CTCFL: variants seen among roughly 807,000 people sequenced by gnomAD.
CTCFL encodes the protein transcriptional repressor CTCFL.
A neutral mutation model predicts 67.4 loss-of-function variants in CTCFL; 36 were observed. That is an observed-to-expected ratio of 0.53 (90% CI 0.41 to 0.71). The LOEUF (loss-of-function observed/expected upper bound fraction) is 0.71, where lower values mean the gene tolerates loss of function less well. Among genes scored for constraint, CTCFL ranks in the 30% least tolerant of loss-of-function variants. CTCFL has a pLI of 0.00. For missense variants in CTCFL, 786 were observed against 835.2 expected (o/e 0.94, Z 0.73); for synonymous variants, 324 against 302.3 (o/e 1.07, Z -0.75).
Position 57,497,486 on chromosome 20 carries a change from T to C in CTCFL, c.*1064A>G, listed in dbSNP as rs1038744637. 7.2e-5 allele frequency: 71 copies of C among 985,258 alleles called. No individual in the cohort carries two copies. Among genetic ancestry groups the C allele is most frequent in the Non-Finnish European group, 8.2e-5 (68 of 829,914 alleles). 61.0% of individuals were successfully genotyped at this position (985,258 alleles called of 1,614,324 possible). A position where few individuals can be genotyped will look rare whatever the true frequency, so the allele number is the denominator to read the frequency against. ...CTTGAAATACAGGGGTGGAGACAGGTTGGCAGCAAAACAAACTGCTCAACT... is the reference window on the plus strand; with the variant it reads ...CTTGAAATACAGGGGTGGAGACAGGCTGGCAGCAAAACAAACTGCTCAACT... On this transcript the variant is annotated 3_prime_UTR_variant, in exon 11 of 11. Transcript: ENST00000243914.
Position 57,497,617 on chromosome 20 carries a change from C to T in CTCFL, c.*933G>A, listed in dbSNP as rs187043234. 777 of 985,242 alleles carry T rather than the reference C, an allele frequency of 7.9e-4. No homozygotes were observed. The highest frequency in any genetic ancestry group is 9.2e-4 in the Admixed American group (15 of 16,272). The allele number at this position is 985,242 out of a possible 1,614,324, so 61.0% of individuals were successfully genotyped here. On this transcript the variant is annotated 3_prime_UTR_variant, in exon 11 of 11. Coordinates refer to ENST00000243914, the MANE Select transcript of CTCFL (RefSeq NM_001386993.1). ...AGGGTGGAAAAATCTTGTCAACTGG[C>T]AAAAGGGAAATACTCACTAATCACT...
intron 6 of CTCFL, 136 bp from the exon 7 acceptor site, chr20:57,514,877 T>C: frequency 3.6e-6 from 3 of 840,156 alleles, no homozygotes; most frequent in Non-Finnish European, 5.5e-6. Flanking sequence ...CCCCAATTAG[T>C]ATGAGACTCC....
chr20:57,498,898 G>A lies in CTCFL; in HGVS notation c.1841-197C>T, dbSNP rs1043965673. 1.1e-4 allele frequency among the ~76,000 whole-genome samples: 16 copies of A among 152,250 alleles called. No homozygotes were observed. The East Asian group carries it at 2.5e-3, about 24-fold the overall frequency. ...TCAGTCAGGGCTTCTTAGCCTCAGC[G>A]CTACAGACGTTTGGGGCCAGAGAGC... On this transcript the variant is annotated intron_variant, in intron 10 of 10. Coordinates refer to ENST00000243914, the MANE Select transcript of CTCFL (RefSeq NM_001386993.1).
chr20:57,512,503 C>T (rs150155465), intron 8 of CTCFL, 89 bp downstream of exon 8: 3 of 1,309,018 alleles, frequency 2.3e-6, no homozygotes, highest in Non-Finnish European at 2.1e-6. Context: ...CATGACTTTT[C>T]TCAGTATCTT....
chr20:57,503,167 C>T (rs1404700064), intron 10 of CTCFL, among the ~76,000 whole-genome samples: 1 of 152,268 alleles, frequency 6.6e-6, no homozygotes, highest in Admixed American at 6.5e-5. Context: ...AGGACAGTCC[C>T]TGTAGCTGCA....
chr20:57,512,713 T>C lies in CTCFL; in HGVS notation c.1370A>G (p.Glu457Gly), dbSNP rs772316509. Residue 457 changes from glutamate (E) to glycine (G), a missense_variant, in exon 8 of 11, where the codon GAG becomes GGG. By Grantham distance (98) the Glu-to-Gly change is moderately conservative (BLOSUM62 -2). Transcript: ENST00000243914. ...AGCAGAACAGTAGCGGCATTTCAGC[T>C]CTGCAGCGCTGTAAGCATGCAAGTT... ...MRNLHAYSAA[E>G]LKCRYCSAVF... 6.2e-7 allele frequency: 1 copy of C among 1,614,230 alleles called. No homozygotes were observed. The highest frequency in any genetic ancestry group is 2.2e-5 in the East Asian group (1 of 44,894).
chr20:57,506,659 CTT>C (rs1271868151), intron 9 of CTCFL: 1 of 363,364 alleles, frequency 2.8e-6, no homozygotes, highest in Non-Finnish European at 3.8e-6. Flanking sequence ...TATAAGAGTT[CTT>C]TTTATATTTT....
chr20:57,518,924 A>C (rs2069130301), intron 4 of CTCFL, 33 bp from the exon 5 acceptor site: 2 of 1,586,354 alleles, frequency 1.3e-6, no homozygotes, highest in Non-Finnish European at 1.7e-6. Context: ...CTTTCAAAAC[A>C]AGACTTAACC....
intron 3 of CTCFL, among the ~76,000 whole-genome samples, chr20:57,521,766 C>T (rs776607701): frequency 3.9e-5 from 6 of 152,176 alleles, no homozygotes; most frequent in Non-Finnish European, 8.8e-5. Flanking sequence ...CTGACACATA[C>T]TACAATACCA....
Position 57,512,499 on chromosome 20 carries a change from T to C in CTCFL, c.1491+93A>G. 4 of 1,290,438 alleles carry C rather than the reference T, an allele frequency of 3.1e-6. No individual in the cohort carries two copies. In the South Asian group the frequency reaches 5.6e-5, roughly 18 times the overall value. The allele number at this position is 1,290,438 out of a possible 1,614,324, so 79.9% of individuals were successfully genotyped here. A position where few individuals can be genotyped will look rare whatever the true frequency, so the allele number is the denominator to read the frequency against. ...TAGGCTACTCTATTAAAAGCATGAC[T>C]TTTCTCAGTATCTTCAAGGTGGTAG... is the stretch of plus-strand genomic sequence containing the variant. On this transcript the variant is annotated intron_variant, in intron 8 of 10. Transcript: ENST00000243914.
At chr20:57,524,808 A>T in intron 1 of CTCFL, 1 of 963,910 alleles carries the variant, frequency 1.0e-6, no homozygotes, top group Non-Finnish European at 1.2e-6. Context: ...TTGGCCAAGC[A>T]GCCCTCGGCC....
intron 9 of CTCFL, 38 bp from the exon 10 acceptor site, chr20:57,503,639 A>C (rs2068031828): frequency 6.2e-7 from 1 of 1,609,170 alleles, no homozygotes; most frequent in African/African-American, 1.3e-5. Flanking sequence ...AAGGCGAGTG[A>C]GATGGGGCAG....
chr20:57,524,507 C>G (rs1600688835), intron 1 of CTCFL: 1 of 1,190,900 alleles, frequency 8.4e-7, no homozygotes, highest in Non-Finnish European at 1.0e-6. Flanking sequence ...GGCAAGGTTC[C>G]GCCTGAGCAC....
chr20:57,524,786 G>A, intron 1 of CTCFL: 3 of 985,744 alleles, frequency 3.0e-6, no homozygotes, highest in African/African-American at 1.7e-5. Context: ...GTGGCCTCGA[G>A]CCCACCCAGA....
At chr20:57,511,596 C>CA (rs1491221848) in intron 8 of CTCFL, among the ~76,000 whole-genome samples, 2 of 135,114 alleles carry the variant, frequency 1.5e-5, no homozygotes, top group Admixed American at 1.5e-4. Context: ...AATCCCCCCC[C>CA]TTTTTTTTTT....
chr20:57,524,500 A>G, intron 1 of CTCFL: 1 of 1,212,072 alleles, frequency 8.3e-7, no homozygotes, highest in South Asian at 2.1e-5. Flanking sequence ...TGCGCCTGGC[A>G]AGGTTCCGCC....
intron 9 of CTCFL, chr20:57,507,481 A>G (rs2068273070): frequency 1.5e-6 from 1 of 671,086 alleles, no homozygotes; most frequent in South Asian, 1.6e-5. Context: ...TACAGGTGTG[A>G]GCCCCCACAG....
Position 57,498,161 on chromosome 20 carries a change from T to C in CTCFL, c.*389A>G. ...AAGCACTAGCTGGTCTAGACTATTTTGAAATATCCAAAAATCACTACTCAC... is the reference window on the plus strand; with the variant it reads ...AAGCACTAGCTGGTCTAGACTATTTCGAAATATCCAAAAATCACTACTCAC... On this transcript the variant is annotated 3_prime_UTR_variant, in exon 11 of 11. Transcript: ENST00000243914. 5 of 991,266 alleles carry C rather than the reference T, an allele frequency of 5.0e-6. No homozygotes were observed. The highest frequency in any genetic ancestry group is 6.0e-6 in the Non-Finnish European group (5 of 833,744). The allele number at this position is 991,266 out of a possible 1,614,324, so 61.4% of individuals were successfully genotyped here. A position where few individuals can be genotyped will look rare whatever the true frequency, so the allele number is the denominator to read the frequency against.
rs2067760950 is a variant in CTCFL at position 57,498,483 on chromosome 20, T to G, written c.*67A>C. 2 of 1,561,810 alleles carry G rather than the reference T, an allele frequency of 1.3e-6. No individual in the cohort carries two copies. The highest frequency in any genetic ancestry group is 8.7e-7 in the Non-Finnish European group (1 of 1,150,776). Reference sequence around the variant, plus strand: ...ATCGTGTTGAGGAGCATTTCACACCTTAAATGCTAAAAACTTCTAACTTGC... The same window carrying G: ...ATCGTGTTGAGGAGCATTTCACACCGTAAATGCTAAAAACTTCTAACTTGC... On this transcript the variant is annotated 3_prime_UTR_variant, in exon 11 of 11. Transcript: ENST00000243914.
Sources: gnomAD v4.1 joint callset for allele counts (sites outside exome capture counted in the v4.1 genomes callset) on GRCh38, gnomAD v4.1.1 for gene constraint, MANE v1.5 for transcripts, NCBI Gene and HGNC (gene_info 2026-07-23, HGNC 2026-07-21) for gene names.